The following SETX variants were observed in gnomAD, a reference collection of about 807,000 sequenced individuals.
SETX encodes the protein senataxin.
SETX carries 90 observed loss-of-function variants against 227.2 expected under a neutral mutation model. The ratio of observed to expected loss-of-function variants is 0.40; its 90% confidence interval spans 0.33 to 0.47. The LOEUF is 0.47. SETX is among the 20% of genes least tolerant of loss of function. The pLI is 0.91. For missense variants in SETX, 3,052 were observed against 3,181.5 expected, an observed-to-expected ratio of 0.96 and a Z score of 0.98; for synonymous variants, 1,210 against 1,113.2, an observed-to-expected ratio of 1.09 and a Z score of -1.73.
chr9:132,338,433 T>C (rs1288666210), intron 5 of SETX, among the ~76,000 whole-genome samples: 1 of 152,110 alleles, frequency 6.6e-6, no homozygotes, highest in African/African-American at 2.4e-5. Flanking sequence ...AATGACTGTA[T>C]TCTTCAGAAA....
rs746034244 is a variant in SETX, at chr9:132,269,543, T to C, written c.7287+72A>G. ...AATCCAGAAATCATTTACACTTTGA[T>C]GGAAAATAAGAACAAAAACTCAATC... On this transcript the variant is annotated intron_variant, in intron 25 of 25. Transcript: ENST00000224140. 876 of 1,609,266 alleles carry C rather than the reference T, an allele frequency of 5.4e-4. 2 individuals are homozygous for C. Among genetic ancestry groups the C allele is most frequent in the Non-Finnish European group, 7.0e-4 (824 of 1,176,720 alleles).
At chr9:132,294,025 A>AAAAT (rs553767403) in intron 15 of SETX, among the ~76,000 whole-genome samples, 3,407 of 152,070 alleles carry the variant, frequency 0.022, 55 homozygotes, top group Non-Finnish European at 0.035. Context: ...CTCCGTCTCA[A>AAAAT]AAATAAATAA....
chr9:132,309,569 G>C (rs1349957316), intron 11 of SETX, among the ~76,000 whole-genome samples: 54 of 152,076 alleles, frequency 3.6e-4, no homozygotes, highest in Admixed American at 3.5e-3. Context: ...TGGGCGAGGT[G>C]GTTCACACCT....
intron 10 of SETX, among the ~76,000 whole-genome samples, chr9:132,318,283 T>G (rs1337166550): frequency 2.0e-5 from 3 of 152,258 alleles, no homozygotes; most frequent in Non-Finnish European, 4.4e-5. Context: ...ATATTTAATA[T>G]GCTTATAGCT....
chr9:132,288,907 T>C (rs1844103463), intron 15 of SETX, among the ~76,000 whole-genome samples: 2 of 152,214 alleles, frequency 1.3e-5, no homozygotes, highest in African/African-American at 2.4e-5. Flanking sequence ...ATCTAAACAG[T>C]ACACTACAGA....
chr9:132,342,708 T>C lies in SETX; in HGVS notation c.480A>G (p.Leu160=), dbSNP rs1369049302. 6.2e-7 allele frequency: 1 copy of C among 1,613,194 alleles called. No homozygotes were observed. The highest frequency in any genetic ancestry group is 1.1e-5 in the South Asian group (1 of 91,074). Residue 160 remains leucine (L), a synonymous_variant, in exon 5 of 26, where the codon TTA becomes TTG. Transcript: ENST00000224140. ...CACTCACCATTTCATTGGGATGGAC[T>C]AAAAACAAATAGATCCCTGGATGTT... ...FDKHPGIYLF[L]VHPNEMVRRW...
chr9:132,261,657 G>A lies in SETX; in HGVS notation c.*2582C>T, dbSNP rs1380474907. The A allele has an allele frequency of 6.5e-6, 1 of 152,794 alleles. No homozygotes were observed. Among genetic ancestry groups the A allele is most frequent in the Non-Finnish European group, 1.5e-5 (1 of 68,198 alleles). 9.5% of individuals were successfully genotyped at this position (152,794 alleles called of 1,614,324 possible). A position where few individuals can be genotyped will look rare whatever the true frequency, so the allele number is the denominator to read the frequency against. ...CTGCACAACTTTAAAAAATAGTTCAGTACATTTTTGTTATAAAATTCATTT... is the reference window on the plus strand; with the variant it reads ...CTGCACAACTTTAAAAAATAGTTCAATACATTTTTGTTATAAAATTCATTT... On this transcript the variant is annotated 3_prime_UTR_variant, in exon 26 of 26. Transcript: ENST00000224140.
chr9:132,275,535 T>C, intron 22 of SETX, 115 bp from the exon 23 acceptor site: 1 of 852,894 alleles, frequency 1.2e-6, no homozygotes, highest in Non-Finnish European at 1.8e-6. Flanking sequence ...GCAGATAGGC[T>C]TCATCTTTTA....
At chr9:132,335,486 T>C (rs934123081) in intron 6 of SETX, among the ~76,000 whole-genome samples, 2 of 151,942 alleles carry the variant, frequency 1.3e-5, no homozygotes, top group African/African-American at 4.8e-5. Flanking sequence ...TTTAATTTTT[T>C]TTTTTTTAGG....
chr9:132,282,342 G>A (rs1843590696), intron 19 of SETX, among the ~76,000 whole-genome samples: 1 of 149,234 alleles, frequency 6.7e-6, no homozygotes, highest in Admixed American at 6.7e-5. Context: ...CTGTCACCCA[G>A]GCTGGAGGGC....
At chr9:132,316,705 C>T (rs1446347202) in intron 10 of SETX, among the ~76,000 whole-genome samples, 1 of 152,154 alleles carries the variant, frequency 6.6e-6, no homozygotes, top group East Asian at 1.9e-4. Context: ...CTATTTATCT[C>T]GTTTTATCTA....
At chr9:132,289,012 G>C (rs1349508162) in intron 15 of SETX, among the ~76,000 whole-genome samples, 3 of 152,092 alleles carry the variant, frequency 2.0e-5, no homozygotes, top group Non-Finnish European at 4.4e-5. Flanking sequence ...TAAAATAAAC[G>C]AAGCAGTTCT....
At chr9:132,350,417 G>T (rs1007743739) in intron 2 of SETX, among the ~76,000 whole-genome samples, 1 of 152,138 alleles carries the variant, frequency 6.6e-6, no homozygotes, top group Non-Finnish European at 1.5e-5. Context: ...ATGGCAGTGT[G>T]AGATTTTTGA....
chr9:132,264,570 G>C lies in SETX; in HGVS notation c.7703C>G (p.Ala2568Gly), dbSNP rs1475049243. 6.2e-7 allele frequency: 1 copy of C among 1,614,176 alleles called. No homozygotes were observed. Among genetic ancestry groups the C allele is most frequent in the African/African-American group, 1.3e-5 (1 of 75,062 alleles). Residue 2568 changes from alanine (A) to glycine (G), a missense_variant, in exon 26 of 26, where the codon GCA (alanine) becomes GGA (glycine). Around this residue, in one of 10 missense-constraint regions of SETX, gnomAD observed 294 missense variants for 278.8 expected, o/e 1.05. Coordinates refer to ENST00000224140, the MANE Select transcript of SETX (RefSeq NM_015046.7). ...PQPSSPQHPGATPPTGEPGFP... is the reference protein window; with the variant it reads ...PQPSSPQHPGGTPPTGEPGFP... ...GCCCGGCTCGCCCGTAGGAGGTGTT[G>C]CTCCAGGATGCTGGGGGCTCGAGGG...
At position 132,330,134 on chromosome 9, in the gene SETX, G is replaced by A. The variant is rs139275155; in HGVS notation, c.1464C>T (p.Ala488=). The A allele has an allele frequency of 7.1e-5, 115 of 1,612,058 alleles. 1 individual carries two copies. Among genetic ancestry groups the A allele is most frequent in the African/African-American group, 5.9e-4 (44 of 74,892 alleles). The part of the protein sequence containing the change: ...LWVSSQQWVE[A]VVKCAKLPTT... ...TAGGAAGCTTGGCACATTTGACGAC[G>A]GCTTCCACCCATTGCTGGGAACTTA... Residue 488 remains alanine (A), a synonymous_variant, in exon 10 of 26, where the codon GCC becomes GCT. Coordinates refer to ENST00000224140, the MANE Select transcript of SETX (RefSeq NM_015046.7).
intron 25 of SETX, chr9:132,269,391 TA>T: frequency 1.3e-6 from 2 of 1,527,620 alleles, no homozygotes; most frequent in Non-Finnish European, 1.8e-6. Flanking sequence ...TAATTTGTTT[TA>T]AAATGGTCAC....
chr9:132,346,988 CTCCTGCCT>C (rs986589370), intron 3 of SETX, among the ~76,000 whole-genome samples: 1 of 152,088 alleles, frequency 6.6e-6, no homozygotes, highest in Non-Finnish European at 1.5e-5. Flanking sequence ...GGCACACTGG[CTCCTGCCT>C]GTAATCCCAG....
chr9:132,275,316 TGA>T lies in SETX; in HGVS notation c.7038_7039del (p.His2347LeufsTer18), dbSNP rs1225154029. On this transcript the variant is annotated frameshift_variant, in exon 23 of 26. Transcript: ENST00000224140. LOFTEE classifies it high-confidence loss of function. ...AATCATCGTCTTCTGGGCCTTGTAA[TGA>T]GTTATTATGCCAATGTTTCGAAAAC... 1 of 1,614,118 alleles carries T rather than the reference TGA, an allele frequency of 6.2e-7. No homozygotes were observed. The highest frequency in any genetic ancestry group is 8.5e-7 in the Non-Finnish European group (1 of 1,179,992).
rs755130889 is a variant in SETX, at chr9:132,269,731, T to C, written c.7200-29A>G. 4 of 1,608,194 alleles carry C rather than the reference T, an allele frequency of 2.5e-6. No individual in the cohort carries two copies. The South Asian group carries it at 3.3e-5, about 13-fold the overall frequency. On this transcript the variant is annotated intron_variant, in intron 24 of 25. Coordinates refer to ENST00000224140, the MANE Select transcript of SETX (RefSeq NM_015046.7). ...GGCAATAAAAAAAGAGTTCCTTCTT[T>C]GTCTAGAATGACTTAACATGCCCAT...
Sources: gnomAD v4.1 joint callset for allele counts (sites outside exome capture counted in the v4.1 genomes callset) on GRCh38, gnomAD v4.1.1 for gene constraint, gnomAD v4.1.1 regional missense constraint, MANE v1.5 for transcripts, NCBI Gene and HGNC (gene_info 2026-07-23, HGNC 2026-07-21) for gene names.